The following BSDC1 variants were observed in gnomAD, a reference collection of about 807,000 sequenced individuals.
BSDC1 encodes BSD domain containing 1.
BSDC1 carries 29 observed loss-of-function variants against 56.0 expected under a neutral mutation model. That is an observed-to-expected ratio of 0.52 (90% CI 0.39 to 0.71). The LOEUF (loss-of-function observed/expected upper bound fraction) is 0.71. Among genes scored for constraint, BSDC1 ranks in the 30% least tolerant of loss-of-function variants. BSDC1 has a pLI of 0.00. For synonymous variants in BSDC1, 210 were observed against 215.3 expected (o/e 0.98, Z 0.21); for missense variants, 477 against 548.5 (o/e 0.87, Z 1.30).
At chr1:32,392,907 T>C (rs1054227377) in intron 2 of BSDC1, among the ~76,000 whole-genome samples, 8 of 152,170 alleles carry the variant, frequency 5.3e-5, no homozygotes, top group Non-Finnish European at 1.0e-4. Context: ...CTACTAAAAA[T>C]ACAAAAATTA....
chr1:32,377,470 G>A (rs1465141381), intron 8 of BSDC1, among the ~76,000 whole-genome samples: 1 of 139,220 alleles, frequency 7.2e-6, no homozygotes, highest in Non-Finnish European at 1.6e-5. Context: ...GGGCAGCCTG[G>A]ACATATGGTG....
In BSDC1 at chr1:32,381,215, A is replaced by G. The variant is rs1184273206; in HGVS notation, c.411T>C (p.Asp137=). Residue 137 remains aspartate, a splice_region_variant and synonymous_variant, in exon 5 of 11, where the codon GAT becomes GAC. Coordinates refer to ENST00000455895, the MANE Select transcript of BSDC1 (RefSeq NM_018045.8). ...SDPATYCNEP[D]GPPELFDAWL... ...ACCCGCTCAGTGCTACCCTCTCACC[A>G]TCTGGTTCATTACAGTAGGTTGCTG... The G allele has an allele frequency of 1.2e-6, 2 of 1,613,764 alleles. No homozygotes were observed. The highest frequency in any genetic ancestry group is 2.2e-5 in the South Asian group (2 of 91,016).
intron 2 of BSDC1, among the ~76,000 whole-genome samples, chr1:32,387,682 C>CT (rs1642722103): frequency 6.6e-6 from 1 of 152,064 alleles, no homozygotes; most frequent in Non-Finnish European, 1.5e-5. Flanking sequence ...TCTATTTTTA[C>CT]TTTTTTTGTT....
chr1:32,383,199 C>T (rs1449358609), intron 4 of BSDC1, among the ~76,000 whole-genome samples: 1 of 152,132 alleles, frequency 6.6e-6, no homozygotes, highest in African/African-American at 2.4e-5. Context: ...AATCCTAGCA[C>T]TTTGGGAGAC....
At position 32,366,516 on chromosome 1, in the gene BSDC1, G is replaced by T; in HGVS notation, c.*106C>A. Reference sequence around the variant, plus strand: ...AGAATCTGTGCCCAGAGCTCTGGTTGGCAGAGGAGATTTGGGGGAACATTC... The same window carrying T: ...AGAATCTGTGCCCAGAGCTCTGGTTTGCAGAGGAGATTTGGGGGAACATTC... On this transcript the variant is annotated 3_prime_UTR_variant, in exon 11 of 11. Transcript: ENST00000455895. 2.7e-6 allele frequency: 3 copies of T among 1,103,998 alleles called. No homozygotes were observed. The highest frequency in any genetic ancestry group is 4.1e-6 in the Non-Finnish European group (3 of 738,216). 68.4% of individuals were successfully genotyped at this position (1,103,998 alleles called of 1,614,324 possible). A position where few individuals can be genotyped will look rare whatever the true frequency, so the allele number is the denominator to read the frequency against.
chr1:32,368,191 C>A, intron 10 of BSDC1: 1 of 1,438,944 alleles, frequency 6.9e-7, no homozygotes, highest in South Asian at 1.5e-5. Context: ...TTTTCTTAAG[C>A]AGTTTCTCAG....
In BSDC1 at chr1:32,378,669, C is replaced by T. The variant is rs1236275178; in HGVS notation, c.528+55G>A. The T allele has an allele frequency of 9.7e-6, 12 of 1,237,542 alleles. No individual in the cohort carries two copies. The highest frequency in any genetic ancestry group is 1.3e-5 in the Non-Finnish European group (12 of 914,368). The allele number at this position is 1,237,542 out of a possible 1,614,324, so 76.7% of individuals were successfully genotyped here. On this transcript the variant is annotated intron_variant, in intron 6 of 10. Transcript: ENST00000455895. The surrounding 1 kb of genome is among the most constrained non-coding windows in gnomAD (Gnocchi z 5.2). Reference sequence around the variant, plus strand: ...AGTGACTCTGAACATGTCCCTCCCACCTCCCAACACCTCAAGCCTGGAGCT... The same window carrying T: ...AGTGACTCTGAACATGTCCCTCCCATCTCCCAACACCTCAAGCCTGGAGCT...
intron 9 of BSDC1, among the ~76,000 whole-genome samples, chr1:32,370,426 G>A (rs1042452134): frequency 2.0e-5 from 3 of 152,136 alleles, no homozygotes; most frequent in Admixed American, 2.0e-4. Flanking sequence ...TGTATTTCAA[G>A]TTTTTAGAAC....
chr1:32,366,362 G>A lies in BSDC1; in HGVS notation c.*260C>T, dbSNP rs1465830144. 1.5e-6 allele frequency: 1 copy of A among 675,598 alleles called. No individual in the cohort carries two copies. Among genetic ancestry groups the A allele is most frequent in the Non-Finnish European group, 2.7e-6 (1 of 369,864 alleles). 41.9% of individuals were successfully genotyped at this position (675,598 alleles called of 1,614,324 possible). A position where few individuals can be genotyped will look rare whatever the true frequency, so the allele number is the denominator to read the frequency against. On this transcript the variant is annotated 3_prime_UTR_variant, in exon 11 of 11. Transcript: ENST00000455895. ...CAGCAGAAAAACACAGGCTCTTCTGGTGAGGAGGATAGGTTTCCTCTCCCT... is the reference window on the plus strand; with the variant it reads ...CAGCAGAAAAACACAGGCTCTTCTGATGAGGAGGATAGGTTTCCTCTCCCT...
In BSDC1 at chr1:32,386,857, C is replaced by T. The variant is rs753071074; in HGVS notation, c.111G>A (p.Thr37=). 9.3e-6 allele frequency: 15 copies of T among 1,612,270 alleles called. No individual in the cohort carries two copies. The highest frequency in any genetic ancestry group is 2.2e-4 in the Middle Eastern group (1 of 4,502). ...CATGCTGCACCACCTGGGTAAACTC[C>T]GTCAGGTCCCGCTTCATAAACTCCA... ...EALEFMKRDL[T]EFTQVVQHDT... The change falls in exon 3 of 11, where the codon ACG becomes ACA. Residue 37 remains threonine (T), a synonymous_variant. Coordinates refer to ENST00000455895, the MANE Select transcript of BSDC1 (RefSeq NM_018045.8).
intron 9 of BSDC1, 38 bp downstream of exon 9, chr1:32,376,224 C>G: frequency 7.0e-7 from 1 of 1,424,774 alleles, no homozygotes; most frequent in Non-Finnish European, 9.3e-7. Context: ...GTGGCCCTGA[C>G]CGCACACAAC....
At chr1:32,387,466 C>T (rs1321036765) in intron 2 of BSDC1, among the ~76,000 whole-genome samples, 3 of 151,992 alleles carry the variant, frequency 2.0e-5, no homozygotes, top group Admixed American at 6.6e-5. Flanking sequence ...CTCAGCCTCC[C>T]GAGTAGCTGG....
intron 10 of BSDC1, 61 bp downstream of exon 10, chr1:32,368,386 G>A: frequency 1.2e-6 from 2 of 1,614,144 alleles, no homozygotes; most frequent in Non-Finnish European, 1.7e-6. Flanking sequence ...GCTGGCTGGG[G>A]AGAGCTCTCA....
chr1:32,376,632 C>T lies in BSDC1; in HGVS notation c.786G>A (p.Glu262=). The T allele has an allele frequency of 6.9e-7, 1 of 1,448,576 alleles. No homozygotes were observed. Among genetic ancestry groups the T allele is most frequent in the Non-Finnish European group, 9.2e-7 (1 of 1,089,070 alleles). 89.7% of individuals were successfully genotyped at this position (1,448,576 alleles called of 1,614,324 possible). A position where few individuals can be genotyped will look rare whatever the true frequency, so the allele number is the denominator to read the frequency against. ...GGGGCTCAACTGAAGTCACCAGATT[C>T]TCTTCACAGGGGCTCTGGGGGCCAG... The part of the protein sequence containing the change: ...GEPGPQSPCE[E]NLVTSVEPPA... The change falls in exon 9 of 11, where the codon GAG becomes GAA. Residue 262 remains glutamate, a synonymous_variant. Coordinates refer to ENST00000455895, the MANE Select transcript of BSDC1 (RefSeq NM_018045.8).
rs1388975494 is a variant in BSDC1, at chr1:32,376,317, C to T, written c.1101G>A (p.Val367=). ...TCCCACTATCCGAGTTCAGCTCAAA[C>T]ACCCGTAAGTCTGTGGGCGCCTCCT... ...LREEAPTDLR[V]FELNSDSGKS... The change falls in exon 9 of 11, where the codon GTG becomes GTA. Residue 367 remains valine, a synonymous_variant. Coordinates refer to ENST00000455895, the MANE Select transcript of BSDC1 (RefSeq NM_018045.8). The T allele has an allele frequency of 3.1e-6, 5 of 1,587,874 alleles. No homozygotes were observed. Among genetic ancestry groups the T allele is most frequent in the African/African-American group, 1.3e-5 (1 of 74,238 alleles).
chr1:32,376,693 G>T lies in BSDC1; in HGVS notation c.725C>A (p.Pro242His), dbSNP rs1439923977. The T allele has an allele frequency of 7.0e-7, 1 of 1,425,494 alleles. No individual in the cohort carries two copies. Among genetic ancestry groups the T allele is most frequent in the East Asian group, 2.4e-5 (1 of 42,320 alleles). The allele number at this position is 1,425,494 out of a possible 1,614,324, so 88.3% of individuals were successfully genotyped here. A position where few individuals can be genotyped will look rare whatever the true frequency, so the allele number is the denominator to read the frequency against. The change falls in exon 9 of 11, where the codon CCT becomes CAT. Residue 242 changes from proline (P) to histidine (H), a missense_variant. By Grantham distance (77) the Pro-to-His change is moderately conservative (BLOSUM62 -2). Coordinates refer to ENST00000455895, the MANE Select transcript of BSDC1 (RefSeq NM_018045.8). ...AGGGAATGTAGAAATTTTGGCCACA[G>T]GAACCTTTGCCTCTTTTGGAGATAT... The part of the protein sequence containing the change: ...SPISPKEAKV[P>H]VAKISTFPEG...
At position 32,378,736 on chromosome 1, in the gene BSDC1, G is replaced by C; in HGVS notation, c.516C>G (p.Leu172=). The change falls in exon 6 of 11, where the codon CTC becomes CTG. Residue 172 remains leucine (L), a synonymous_variant. Transcript: ENST00000455895. The surrounding 1 kb of genome is among the most constrained non-coding windows in gnomAD (Gnocchi z 5.2). ...GCTGGGCCCTCACCATCTTGGTGTAGAGGGCCCGGATGGAGGGGCTGCCTA... is the reference window on the plus strand; with the variant it reads ...GCTGGGCCCTCACCATCTTGGTGTACAGGGCCCGGATGGAGGGGCTGCCTA... ...LLVGSPSIRA[L]YTKMVPAAVS... 2.0e-6 allele frequency: 3 copies of C among 1,520,176 alleles called. No individual in the cohort carries two copies. Among genetic ancestry groups the C allele is most frequent in the Non-Finnish European group, 2.6e-6 (3 of 1,132,304 alleles). 94.2% of individuals were successfully genotyped at this position (1,520,176 alleles called of 1,614,324 possible). A position where few individuals can be genotyped will look rare whatever the true frequency, so the allele number is the denominator to read the frequency against.
intron 4 of BSDC1, among the ~76,000 whole-genome samples, chr1:32,383,557 A>G (rs1642560876): frequency 6.6e-6 from 1 of 152,200 alleles, no homozygotes; most frequent in South Asian, 2.1e-4. Flanking sequence ...GTTCAGAAGA[A>G]AAAACCAAAC....
At chr1:32,372,615 G>T (rs531035061) in intron 9 of BSDC1, among the ~76,000 whole-genome samples, 17 of 152,124 alleles carry the variant, frequency 1.1e-4, no homozygotes, top group Non-Finnish European at 2.2e-4. Flanking sequence ...TCCTTCCACC[G>T]TCCTACCCTG....
Sources: allele counts gnomAD v4.1 joint callset (sites outside exome capture counted in the v4.1 genomes callset), GRCh38; gene constraint gnomAD v4.1.1; non-coding constraint Gnocchi (gnomAD v3.1); transcripts MANE v1.5; gene names NCBI Gene and HGNC (gene_info 2026-07-23, HGNC 2026-07-21).